ANKRD30B: variants seen among roughly 807,000 people sequenced by gnomAD.
ANKRD30B encodes ankyrin repeat domain-containing protein 30B.
Under a neutral mutation model 202.2 loss-of-function variants are expected in ANKRD30B, and 144 were observed. The ratio of observed to expected loss-of-function variants is 0.71; its 90% confidence interval spans 0.62 to 0.82. ANKRD30B has a LOEUF of 0.82. Among genes scored for constraint, ANKRD30B ranks in the 40% least tolerant of loss-of-function variants. The probability of loss-of-function intolerance (pLI) is 0.00; values close to 1 mark genes in which losing one functional copy is unlikely to be tolerated. For missense variants in ANKRD30B, 1,487 were observed against 1,669.1 expected (o/e 0.89, Z 1.90); for synonymous variants, 508 against 561.3 (o/e 0.91, Z 1.34).
At chr18:14,817,467 CAG>C (rs1405352358) in intron 30 of ANKRD30B, among the ~76,000 whole-genome samples, 1 of 152,114 alleles carries the variant, frequency 6.6e-6, no homozygotes, top group African/African-American at 2.4e-5. Flanking sequence ...AATTTAGAAC[CAG>C]AGTTTTCAAC....
chr18:14,887,624 A>G, the ANKRD30B span, among the ~76,000 whole-genome samples: 1 of 151,982 alleles, frequency 6.6e-6, no homozygotes, highest in Admixed American at 6.6e-5. Context: ...GCTGTGTGCT[A>G]GACTTAGTGT....
Position 14,852,008 on chromosome 18 carries a change from C to G in ANKRD30B, c.4064C>G (p.Ala1355Gly). ...NEVLHQPLYE[A>G]QRKSKSPKIN... ...GTGCTCCATCAACCACTTTATGAAG[C>G]TCAAAGGAAATCCAAAAGCCCAAAA... The change falls in exon 42 of 44, where the codon GCT becomes GGT. Residue 1355 changes from alanine to glycine, a missense_variant. This residue lies in a region of ANKRD30B where 182 missense variants were observed against 216.0 expected (regional missense o/e 0.84). Coordinates refer to ENST00000690538, the MANE Select transcript of ANKRD30B (RefSeq NM_001367607.2). 6.3e-7 allele frequency: 1 copy of G among 1,596,896 alleles called. No homozygotes were observed. The highest frequency in any genetic ancestry group is 1.1e-5 in the South Asian group (1 of 88,794).
the ANKRD30B span, among the ~76,000 whole-genome samples, chr18:14,898,302 G>A: frequency 1.1e-4 from 16 of 152,226 alleles, no homozygotes; most frequent in South Asian, 2.7e-3. Flanking sequence ...GCCGGGGGGA[G>A]GTTCAGGATG....
downstream of ANKRD30B, among the ~76,000 whole-genome samples, chr18:14,858,620 G>A (rs1473828322): frequency 7.9e-6 from 1 of 126,608 alleles, no homozygotes; most frequent in African/African-American, 3.0e-5. Flanking sequence ...GGGCGGCTGG[G>A]AAGAGGCACT....
intron 39 of ANKRD30B, among the ~76,000 whole-genome samples, chr18:14,848,154 T>C (rs1971732260): frequency 6.6e-6 from 1 of 151,328 alleles, no homozygotes. Context: ...TGCTTTCCAC[T>C]TTTTTTTTCT....
chr18:14,848,010 T>A (rs1395697217), intron 39 of ANKRD30B, among the ~76,000 whole-genome samples: 4 of 152,130 alleles, frequency 2.6e-5, no homozygotes. Context: ...ATTGTCTGTC[T>A]CCTTTGGTTT....
In ANKRD30B at chr18:14,852,250, T is replaced by C. The variant is rs1971919730; in HGVS notation, c.4306T>C (p.Leu1436=). ...ESKNRWLRQQ[L]VYAHKKVNKS... ...CAAAAATAGGTGGCTTCGACAGCAATTAGTTTATGCACATAAGAAAGTTAA... is the reference window on the plus strand; with the variant it reads ...CAAAAATAGGTGGCTTCGACAGCAACTAGTTTATGCACATAAGAAAGTTAA... The change falls in exon 42 of 44, where the codon TTA becomes CTA. Residue 1436 remains leucine, a synonymous_variant. Coordinates refer to ENST00000690538, the MANE Select transcript of ANKRD30B (RefSeq NM_001367607.2). The C allele has an allele frequency of 6.4e-7, 1 of 1,558,480 alleles. No homozygotes were observed. Among genetic ancestry groups the C allele is most frequent in the Non-Finnish European group, 8.7e-7 (1 of 1,150,608 alleles).
the ANKRD30B span, among the ~76,000 whole-genome samples, chr18:14,862,477 A>T: frequency 6.6e-6 from 1 of 152,248 alleles, no homozygotes; most frequent in Non-Finnish European, 1.5e-5. Context: ...AGATCCTCAG[A>T]ATATGTTTGT....
the ANKRD30B span, among the ~76,000 whole-genome samples, chr18:14,918,611 G>A: frequency 6.6e-6 from 1 of 151,992 alleles, no homozygotes; most frequent in Non-Finnish European, 1.5e-5. Flanking sequence ...CACAATGAAG[G>A]CACCCAGGGA....
At chr18:14,861,308 C>T in the ANKRD30B span, among the ~76,000 whole-genome samples, 1 of 152,172 alleles carries the variant, frequency 6.6e-6, no homozygotes, top group East Asian at 1.9e-4. Flanking sequence ...CTGAAATGCT[C>T]CACTGAATAG....
chr18:14,762,986 C>T (rs1177943981), intron 6 of ANKRD30B, among the ~76,000 whole-genome samples: 1 of 152,056 alleles, frequency 6.6e-6, no homozygotes, highest in South Asian at 2.1e-4. Context: ...ATCTGCTTGT[C>T]CACTTAACAA....
chr18:14,887,775 C>CA, the ANKRD30B span, among the ~76,000 whole-genome samples: 8 of 151,534 alleles, frequency 5.3e-5, no homozygotes, highest in Non-Finnish European at 7.4e-5. Context: ...CAATAAAATT[C>CA]AAAAACAACT....
chr18:14,882,705 T>C, the ANKRD30B span, among the ~76,000 whole-genome samples: 9 of 152,062 alleles, frequency 5.9e-5, no homozygotes, highest in Non-Finnish European at 1.0e-4. Context: ...CAGTGGAGTA[T>C]TGAAGTCCCC....
At chr18:14,907,495 C>A in the ANKRD30B span, among the ~76,000 whole-genome samples, 1 of 152,106 alleles carries the variant, frequency 6.6e-6, no homozygotes, top group Non-Finnish European at 1.5e-5. Context: ...ACTGAGCATC[C>A]CAGGGAGAGG....
At chr18:14,833,103 A>G (rs1971023844) in intron 34 of ANKRD30B, among the ~76,000 whole-genome samples, 1 of 151,844 alleles carries the variant, frequency 6.6e-6, no homozygotes, top group South Asian at 2.1e-4. Flanking sequence ...TGCCCAGCTA[A>G]TTTTTGTATT....
chr18:14,916,035 G>T, the ANKRD30B span, among the ~76,000 whole-genome samples: 2 of 152,212 alleles, frequency 1.3e-5, no homozygotes, highest in Non-Finnish European at 2.9e-5. Flanking sequence ...AGCATCTGTA[G>T]ATTTTGGTAT....
intron 24 of ANKRD30B, 45 bp from the exon 25 acceptor site, chr18:14,808,506 G>T: frequency 7.2e-7 from 1 of 1,382,890 alleles, no homozygotes; most frequent in South Asian, 1.2e-5. Context: ...GGTAGGCTTT[G>T]TCAGGCTTGC....
the ANKRD30B span, among the ~76,000 whole-genome samples, chr18:14,870,331 A>G: frequency 6.6e-6 from 1 of 152,212 alleles, no homozygotes. Context: ...ACGTCTGGGC[A>G]AGGTTTGCTG....
At chr18:14,883,395 C>T in the ANKRD30B span, 11 of 74,890 alleles carry the variant, frequency 1.5e-4, no homozygotes, top group African/African-American at 1.3e-4. Flanking sequence ...CTCTCTCTCT[C>T]TCTCTATATA....
Sources: allele counts gnomAD v4.1 joint callset (sites outside exome capture counted in the v4.1 genomes callset), GRCh38; gene constraint gnomAD v4.1.1; regional missense constraint gnomAD v4.1.1; transcripts MANE v1.5; gene names NCBI Gene and HGNC (gene_info 2026-07-23, HGNC 2026-07-21).